The following MVB12B variants were observed in gnomAD, a reference collection of about 807,000 sequenced individuals.
The protein encoded by MVB12B is multivesicular body subunit 12B.
MVB12B carries 16 observed loss-of-function variants against 41.6 expected under a neutral mutation model. That is an observed-to-expected ratio of 0.38 (90% CI 0.26 to 0.58). The LOEUF is 0.58. Among genes scored for constraint, MVB12B ranks in the 20% least tolerant of loss-of-function variants. The pLI is 0.62. For synonymous variants in MVB12B, 133 were observed against 139.7 expected, an observed-to-expected ratio of 0.95 and a Z score of 0.34; for missense variants, 274 against 380.2, an observed-to-expected ratio of 0.72 and a Z score of 2.32.
chr9:126,482,656 C>T (rs1833548758), intron 8 of MVB12B, among the ~76,000 whole-genome samples: 1 of 152,180 alleles, frequency 6.6e-6, no homozygotes, highest in African/African-American at 2.4e-5. Flanking sequence ...CGCAGGCAGG[C>T]GGCCCCGCTC....
chr9:126,403,950 CTT>C (rs36030597), intron 6 of MVB12B, among the ~76,000 whole-genome samples: 303 of 104,688 alleles, frequency 2.9e-3, no homozygotes, highest in East Asian at 0.014. Flanking sequence ...TCCTTTAAAT[CTT>C]TTTTTTTTTT....
At chr9:126,477,211 A>G (rs1833440781) in intron 7 of MVB12B, among the ~76,000 whole-genome samples, 1 of 152,168 alleles carries the variant, frequency 6.6e-6, no homozygotes, top group Non-Finnish European at 1.5e-5. Flanking sequence ...ACTTAACCAG[A>G]TCTTGTGAGA....
At chr9:126,488,989 C>G (rs572336537) in intron 9 of MVB12B, among the ~76,000 whole-genome samples, 1 of 152,322 alleles carries the variant, frequency 6.6e-6, no homozygotes, top group South Asian at 2.1e-4. Context: ...CCTCCACCCC[C>G]ACAAGGACAC....
At chr9:126,363,357 G>A (rs10987256) in intron 2 of MVB12B, among the ~76,000 whole-genome samples, 48,413 of 152,018 alleles carry the variant, frequency 0.32, 7,952 homozygotes, top group South Asian at 0.41. Context: ...GAAATTATGT[G>A]ATTACAAACT....
chr9:126,480,604 C>T lies in MVB12B; in HGVS notation c.758-765C>T, dbSNP rs1194216614. On this transcript the variant is annotated intron_variant, in intron 7 of 9. Transcript: ENST00000361171. This position sits in a 1 kb window ranked among gnomAD's most constrained non-coding sequence, Gnocchi z 4.9. ...TCCATCGTTGCGTCCCCGTTCCATGCCCTTTTTCTCGTGTCCTGTTAAAAT... is the reference window on the plus strand; with the variant it reads ...TCCATCGTTGCGTCCCCGTTCCATGTCCTTTTTCTCGTGTCCTGTTAAAAT... Among the ~76,000 whole-genome samples, 2 of 152,184 alleles carry T rather than the reference C, an allele frequency of 1.3e-5. No individual in the cohort carries two copies. Among genetic ancestry groups the T allele is most frequent in the African/African-American group, 2.4e-5 (1 of 41,440 alleles).
chr9:126,419,621 T>G (rs1398000586), intron 6 of MVB12B, among the ~76,000 whole-genome samples: 3 of 152,124 alleles, frequency 2.0e-5, no homozygotes, highest in Admixed American at 2.0e-4. Flanking sequence ...AGTCGATAAT[T>G]CACTCTTCTG....
intron 7 of MVB12B, among the ~76,000 whole-genome samples, chr9:126,440,927 G>A (rs570245012): frequency 1.3e-5 from 2 of 152,334 alleles, no homozygotes; most frequent in South Asian, 4.1e-4. Flanking sequence ...AGAGAGTAAT[G>A]GTGTGCTGAT....
intron 7 of MVB12B, among the ~76,000 whole-genome samples, chr9:126,423,557 CAG>C (rs1832084528): frequency 6.6e-6 from 1 of 152,230 alleles, no homozygotes; most frequent in South Asian, 2.1e-4. Flanking sequence ...ATCTTCCAAA[CAG>C]AGGTAGTTGA....
rs1830190638 is a variant in MVB12B, at chr9:126,366,682, T to C, written c.205-14382T>C. Among the ~76,000 whole-genome samples the C allele has an allele frequency of 2.0e-5, 3 of 152,214 alleles. No homozygotes were observed. The South Asian group carries it at 6.2e-4, about 31-fold the overall frequency. ...ATTTGATTTCAGCTGCATTCAGCTT[T>C]GTTCCTCTCTGACCCCCCTTCTTGT... On this transcript the variant is annotated intron_variant, in intron 2 of 9. Coordinates refer to ENST00000361171, the MANE Select transcript of MVB12B (RefSeq NM_033446.3).
At position 126,480,450 on chromosome 9, in the gene MVB12B, T is replaced by A. The variant is rs1833503114; in HGVS notation, c.758-919T>A. Among the ~76,000 whole-genome samples, 1 of 152,154 alleles carries A rather than the reference T, an allele frequency of 6.6e-6. No homozygotes were observed. The highest frequency in any genetic ancestry group is 6.5e-5 in the Admixed American group (1 of 15,284). On this transcript the variant is annotated intron_variant, in intron 7 of 9. Transcript: ENST00000361171. This position sits in a 1 kb window ranked among gnomAD's most constrained non-coding sequence, Gnocchi z 4.9. Reference sequence around the variant, plus strand: ...AGAGTCCTCCTCTCTGAGGTTATAATTCATAGAGAAGTGCTCACTTACGGA... The same window carrying A: ...AGAGTCCTCCTCTCTGAGGTTATAAATCATAGAGAAGTGCTCACTTACGGA...
At position 126,444,124 on chromosome 9, in the gene MVB12B, A is replaced by T. The variant is rs541614679; in HGVS notation, c.757+22176A>T. Among the ~76,000 whole-genome samples, 3 of 152,294 alleles carry T rather than the reference A, an allele frequency of 2.0e-5. No individual in the cohort carries two copies. In the South Asian group the frequency reaches 6.2e-4, roughly 32 times the overall value. ...TCGTCAGGCTGGGATTAATGGTTGTATCATCCTCCCTCTTATGGATACAAT... is the reference window on the plus strand; with the variant it reads ...TCGTCAGGCTGGGATTAATGGTTGTTTCATCCTCCCTCTTATGGATACAAT... On this transcript the variant is annotated intron_variant, in intron 7 of 9. Coordinates refer to ENST00000361171, the MANE Select transcript of MVB12B (RefSeq NM_033446.3).
intron 6 of MVB12B, among the ~76,000 whole-genome samples, chr9:126,412,542 A>G (rs1831682162): frequency 6.6e-6 from 1 of 151,982 alleles, no homozygotes; most frequent in Non-Finnish European, 1.5e-5. Flanking sequence ...TGTCTCTTCT[A>G]CTCTCCCAAC....
At chr9:126,464,870 G>C (rs1010427062) in intron 7 of MVB12B, among the ~76,000 whole-genome samples, 1 of 152,186 alleles carries the variant, frequency 6.6e-6, no homozygotes. Context: ...CTTCTGGGGG[G>C]CATGGGAATG....
intron 3 of MVB12B, among the ~76,000 whole-genome samples, chr9:126,381,373 C>T (rs759315438): frequency 1.1e-4 from 17 of 152,140 alleles, no homozygotes; most frequent in Non-Finnish European, 1.9e-4. Flanking sequence ...CCCAAGTGTA[C>T]CGTGAATTCC....
rs556543702 is a variant in MVB12B, at chr9:126,492,237, C to A, written c.873+8205C>A. On this transcript the variant is annotated intron_variant, in intron 9 of 9. Coordinates refer to ENST00000361171, the MANE Select transcript of MVB12B (RefSeq NM_033446.3). The stretch of plus-strand genomic sequence containing the variant: ...ATGTTCCTTTACAGATCAGCCTTAC[C>A]CTTTTTAATGACTATATGTTGTTCC... 1.5e-4 allele frequency among the ~76,000 whole-genome samples: 22 copies of A among 149,252 alleles called. No homozygotes were observed. In the South Asian group the frequency reaches 4.8e-3, roughly 33 times the overall value.
Position 126,402,386 on chromosome 9 carries a change from C to G in MVB12B, c.662+6689C>G, listed in dbSNP as rs139565538. On this transcript the variant is annotated intron_variant, in intron 6 of 9. Transcript: ENST00000361171. ...GGTGTGGTGGCTCATGCCTGTAATC[C>G]TAGCACTTTGGGAGGCTGAGACGGG... is the stretch of plus-strand genomic sequence containing the variant. 8.3e-3 allele frequency among the ~76,000 whole-genome samples: 1,264 copies of G among 152,128 alleles called. 36 individuals are homozygous for G. The highest frequency in any genetic ancestry group is 0.055 in the East Asian group (284 of 5,172).
intron 6 of MVB12B, among the ~76,000 whole-genome samples, chr9:126,409,590 G>A (rs997970714): frequency 5.3e-5 from 8 of 152,154 alleles, no homozygotes; most frequent in African/African-American, 1.9e-4. Context: ...GCATGAGCAG[G>A]GCATCCCCTT....
Position 126,421,906 on chromosome 9 carries a change from A to G in MVB12B, c.715A>G (p.Thr239Ala). Residue 239 changes from threonine (T) to alanine (A), a missense_variant, in exon 7 of 10, where the codon ACG (threonine) becomes GCG (alanine). Thr to Ala is a moderately conservative substitution (Grantham distance 58). Transcript: ENST00000361171. ...ATFRGRNSTR[T>A]DYEYQHSNLY... ...CTTCCGAGGCAGGAACAGCACCCGG[A>G]CGGACTACGAGTACCAGCACTCCAA... 2 of 1,613,888 alleles carry G rather than the reference A, an allele frequency of 1.2e-6. No individual in the cohort carries two copies. Among genetic ancestry groups the G allele is most frequent in the Non-Finnish European group, 1.7e-6 (2 of 1,179,986 alleles).
At chr9:126,356,607 C>A (rs1377765126) in intron 2 of MVB12B, among the ~76,000 whole-genome samples, 2 of 151,970 alleles carry the variant, frequency 1.3e-5, no homozygotes, top group Non-Finnish European at 2.9e-5. Flanking sequence ...ACAATGCATC[C>A]CTGATTTAGT....
Sources: allele counts gnomAD v4.1 joint callset (sites outside exome capture counted in the v4.1 genomes callset), GRCh38; gene constraint gnomAD v4.1.1; non-coding constraint Gnocchi (gnomAD v3.1); transcripts MANE v1.5; gene names NCBI Gene and HGNC (gene_info 2026-07-23, HGNC 2026-07-21).